Variants in SBK1 observed in about 807,000 individuals in gnomAD.
The protein encoded by SBK1 is SH3 domain binding kinase 1, also known as serine/threonine-protein kinase SBK1.
In SBK1, 11 loss-of-function variants were observed where a neutral mutation model predicts 24.4. That is an observed-to-expected ratio of 0.45 (90% CI 0.28 to 0.75). The LOEUF (loss-of-function observed/expected upper bound fraction) is 0.75, where lower values mean the gene tolerates loss of function less well. Ranked by LOEUF, SBK1 falls within the 30% of genes least tolerant of loss-of-function variation. The probability of loss-of-function intolerance (pLI) is 0.12; values close to 1 mark genes in which losing one functional copy is unlikely to be tolerated. For missense variants in SBK1, 467 were observed against 620.5 expected (o/e 0.75, Z 2.63); for synonymous variants, 308 against 284.4 (o/e 1.08, Z -0.83).
intron 1 of SBK1, among the ~76,000 whole-genome samples, chr16:28,284,013 A>G (rs1164144806): frequency 6.6e-6 from 1 of 152,202 alleles, no homozygotes; most frequent in Non-Finnish European, 1.5e-5. Context: ...CTTTGGATGC[A>G]GTAACCCTGA....
At chr16:28,318,396 C>A (rs1331448763) in intron 2 of SBK1, among the ~76,000 whole-genome samples, 1 of 152,236 alleles carries the variant, frequency 6.6e-6, no homozygotes, top group Non-Finnish European at 1.5e-5. Context: ...GAGCAAGTGA[C>A]TTCACCTCTC....
In SBK1 at chr16:28,319,038, G is replaced by C. The variant is rs780088125; in HGVS notation, c.270G>C (p.Lys90Asn). Reference protein sequence around the residue: ...ALKFVNKSKTKLKNFLREVSI... With the variant: ...ALKFVNKSKTNLKNFLREVSI... The stretch of plus-strand genomic sequence containing the variant: ...AGTTTGTGAACAAGAGCAAAACCAA[G>C]CTGAAGAACTTCCTACGGGAGGTGA... Residue 90 changes from lysine (K) to asparagine (N), a missense_variant, in exon 3 of 4, where the codon AAG becomes AAC. This residue lies in a region of SBK1 where 123 missense variants were observed against 158.2 expected (regional missense o/e 0.78). Coordinates refer to ENST00000341901, the MANE Select transcript of SBK1 (RefSeq NM_001024401.3). The surrounding 1 kb of genome is among the most constrained non-coding windows in gnomAD (Gnocchi z 4.0). The C allele has an allele frequency of 8.7e-6, 14 of 1,614,160 alleles. No individual in the cohort carries two copies. Among genetic ancestry groups the C allele is most frequent in the Non-Finnish European group, 1.2e-5 (14 of 1,180,028 alleles).
At chr16:28,269,299 T>A (rs2044449330) in intron 1 of SBK1, among the ~76,000 whole-genome samples, 1 of 151,416 alleles carries the variant, frequency 6.6e-6, no homozygotes, top group African/African-American at 2.4e-5. Flanking sequence ...CCTCCCAAAG[T>A]GCTGGGATTA....
At chr16:28,285,988 G>A (rs1372929281) in intron 1 of SBK1, 1 of 152,322 alleles carries the variant, frequency 6.6e-6, no homozygotes, top group Non-Finnish European at 1.5e-5. Context: ...TGCTGGCCAT[G>A]GTCACAGAGT....
At chr16:28,308,740 G>GGTGTGTGTGTGTGTGTGTGT (rs763015809) in intron 1 of SBK1, among the ~76,000 whole-genome samples, 1 of 130,536 alleles carries the variant, frequency 7.7e-6, no homozygotes. Flanking sequence ...CGTTCTTTGG[G>GGTGTGTGTGTGTGTGTGTGT]GTGTGTGTGT....
intron 1 of SBK1, among the ~76,000 whole-genome samples, chr16:28,305,424 C>T (rs1309641139): frequency 6.6e-6 from 1 of 151,796 alleles, no homozygotes; most frequent in Non-Finnish European, 1.5e-5. Flanking sequence ...GTTGGTCAGG[C>T]TGGTCTCAAA....
chr16:28,275,257 CGTGA>C (rs1225057753), intron 1 of SBK1, among the ~76,000 whole-genome samples: 9 of 151,946 alleles, frequency 5.9e-5, no homozygotes, highest in Admixed American at 5.9e-4. Flanking sequence ...TACAGTGAGC[CGTGA>C]TCACACCAAT....
At chr16:28,271,958 A>C (rs1373314768) in intron 1 of SBK1, among the ~76,000 whole-genome samples, 1 of 152,228 alleles carries the variant, frequency 6.6e-6, no homozygotes, top group Non-Finnish European at 1.5e-5. Flanking sequence ...AAATAAGTTG[A>C]AAATTTATGC....
intron 1 of SBK1, among the ~76,000 whole-genome samples, chr16:28,297,515 T>C (rs899082057): frequency 2.6e-5 from 4 of 152,136 alleles, no homozygotes; most frequent in African/African-American, 9.7e-5. Flanking sequence ...CAGAGCACCA[T>C]GGAGGAGAGC....
intron 1 of SBK1, among the ~76,000 whole-genome samples, chr16:28,275,660 G>A (rs1366167603): frequency 6.6e-6 from 1 of 152,064 alleles, no homozygotes; most frequent in East Asian, 1.9e-4. Context: ...CAGGTGGATC[G>A]TTTGAGCCCA....
chr16:28,307,267 G>C (rs917936858), intron 1 of SBK1, among the ~76,000 whole-genome samples: 1 of 152,186 alleles, frequency 6.6e-6, no homozygotes, highest in African/African-American at 2.4e-5. Flanking sequence ...CTATGACACA[G>C]AGACTTATTA....
Position 28,317,586 on chromosome 16 carries a change from G to A in SBK1, c.195G>A (p.Gly65=). ...LVRELGKGTY[G]KVDLVVYKGT... The stretch of plus-strand genomic sequence containing the variant: ...GGGAGCTGGGCAAAGGCACCTATGG[G>A]AAGGTTGACCTGGTGGTCTACAAGG... Residue 65 remains glycine (G), a synonymous_variant, in exon 2 of 4, where the codon GGG becomes GGA. Coordinates refer to ENST00000341901, the MANE Select transcript of SBK1 (RefSeq NM_001024401.3). This position sits in a 1 kb window ranked among gnomAD's most constrained non-coding sequence, Gnocchi z 4.2. The A allele has an allele frequency of 5.0e-6, 8 of 1,609,838 alleles. No homozygotes were observed. The highest frequency in any genetic ancestry group is 6.8e-6 in the Non-Finnish European group (8 of 1,177,402).
At chr16:28,281,077 T>C (rs1279336859) in intron 1 of SBK1, among the ~76,000 whole-genome samples, 1 of 152,098 alleles carries the variant, frequency 6.6e-6, no homozygotes, top group Non-Finnish European at 1.5e-5. Flanking sequence ...GGTGGTGTCC[T>C]CAGACAGACC....
rs1486267146 is a variant in SBK1, at chr16:28,322,918, C to T, written c.*1997C>T. ...CCGTGCTCGCTCTCTCTCTCGCGCG[C>T]GCTCTCTCTCTCCCTCTCTCTCTCT... On this transcript the variant is annotated 3_prime_UTR_variant, in exon 4 of 4. Transcript: ENST00000341901. 6.9e-5 allele frequency: 3 copies of T among 43,612 alleles called. No individual in the cohort carries two copies. The highest frequency in any genetic ancestry group is 2.1e-4 in the African/African-American group (3 of 14,532). 2.7% of individuals were successfully genotyped at this position (43,612 alleles called of 1,614,324 possible). A position where few individuals can be genotyped will look rare whatever the true frequency, so the allele number is the denominator to read the frequency against.
intron 1 of SBK1, among the ~76,000 whole-genome samples, chr16:28,280,384 G>A (rs1040311773): frequency 2.7e-5 from 4 of 147,248 alleles, no homozygotes; most frequent in Admixed American, 1.4e-4. Flanking sequence ...TTTCAGAGAT[G>A]GGATCTCACT....
intron 1 of SBK1, among the ~76,000 whole-genome samples, chr16:28,306,168 A>G (rs2044715109): frequency 6.6e-6 from 1 of 151,882 alleles, no homozygotes; most frequent in Admixed American, 6.6e-5. Context: ...AGCCATCAGG[A>G]AAGAGGGACC....
At chr16:28,303,724 C>T (rs1159080275) in intron 1 of SBK1, among the ~76,000 whole-genome samples, 1 of 151,932 alleles carries the variant, frequency 6.6e-6, no homozygotes, top group African/African-American at 2.4e-5. Context: ...CACCATGTTG[C>T]CCAGGCTGGT....
Position 28,320,945 on chromosome 16 carries a change from CG to C in SBK1, c.*27del. The stretch of plus-strand genomic sequence containing the variant: ...GAGTCGCCTCCGCCGCCCTCGGACC[CG>C]GGAGCAGCCCGGGCCCGCCCCGAGC... On this transcript the variant is annotated 3_prime_UTR_variant, in exon 4 of 4. Transcript: ENST00000341901. The surrounding 1 kb of genome is among the most constrained non-coding windows in gnomAD (Gnocchi z 8.5). The C allele has an allele frequency of 7.2e-7, 1 of 1,394,172 alleles. No individual in the cohort carries two copies. The highest frequency in any genetic ancestry group is 3.4e-5 in the East Asian group (1 of 29,164). The allele number at this position is 1,394,172 out of a possible 1,614,324, so 86.4% of individuals were successfully genotyped here.
At chr16:28,303,854 G>A (rs975143768) in intron 1 of SBK1, among the ~76,000 whole-genome samples, 1 of 152,062 alleles carries the variant, frequency 6.6e-6, no homozygotes, top group Admixed American at 6.5e-5. Context: ...TAACTACCTG[G>A]GACTGTCTGG....
Sources: allele counts gnomAD v4.1 joint callset (sites outside exome capture counted in the v4.1 genomes callset), GRCh38; gene constraint gnomAD v4.1.1; regional missense constraint gnomAD v4.1.1; non-coding constraint Gnocchi (gnomAD v3.1); transcripts MANE v1.5; gene names NCBI Gene and HGNC (gene_info 2026-07-23, HGNC 2026-07-21).